SLC9A9: variants seen among roughly 807,000 people sequenced by gnomAD.
SLC9A9 encodes the protein sodium/hydrogen exchanger 9.
A neutral mutation model predicts 77.8 loss-of-function variants in SLC9A9; 62 were observed. The observed-to-expected ratio is 0.80, with a 90% CI of 0.65 to 0.98. The LOEUF (loss-of-function observed/expected upper bound fraction) is 0.98, where lower values mean the gene tolerates loss of function less well. Ranked by LOEUF, SLC9A9 falls within the 50% of genes least tolerant of loss-of-function variation. SLC9A9 has a pLI of 0.00. For synonymous variants in SLC9A9, 320 were observed against 283.5 expected (o/e 1.13, Z -1.29); for missense variants, 775 against 774.9 (o/e 1.00, Z 0.00).
At chr3:143,660,970 C>T (rs943084789) in intron 5 of SLC9A9, among the ~76,000 whole-genome samples, 13 of 152,212 alleles carry the variant, frequency 8.5e-5, no homozygotes, top group Non-Finnish European at 1.8e-4. Flanking sequence ...CCTCTTGGTG[C>T]CATTGTCACA....
chr3:143,368,208 T>C (rs191839810), intron 13 of SLC9A9, among the ~76,000 whole-genome samples: 1 of 152,262 alleles, frequency 6.6e-6, no homozygotes. Context: ...AGTGGATAGT[T>C]TTCTTTTAGG....
chr3:143,416,263 T>C (rs2034189022), intron 12 of SLC9A9, among the ~76,000 whole-genome samples: 1 of 152,164 alleles, frequency 6.6e-6, no homozygotes, highest in Non-Finnish European at 1.5e-5. Context: ...ACAAACTTGA[T>C]TGATAAAGCA....
intron 8 of SLC9A9, among the ~76,000 whole-genome samples, chr3:143,560,589 C>G (rs1007377239): frequency 7.2e-5 from 11 of 151,798 alleles, no homozygotes; most frequent in Admixed American, 6.6e-4. Flanking sequence ...TCAAGAAAAT[C>G]TGAGAGGTTT....
intron 4 of SLC9A9, among the ~76,000 whole-genome samples, chr3:143,749,659 T>G (rs2006649281): frequency 6.6e-6 from 1 of 152,234 alleles, no homozygotes; most frequent in Admixed American, 6.5e-5. Context: ...GGATAAAAGA[T>G]TTCATCTTTA....
chr3:143,589,085 G>A (rs1036341468), intron 6 of SLC9A9, among the ~76,000 whole-genome samples: 3 of 152,218 alleles, frequency 2.0e-5, no homozygotes, highest in Non-Finnish European at 2.9e-5. Context: ...TAATCCCCAC[G>A]GTTGAAAATA....
At chr3:143,719,311 G>A (rs1042679218) in intron 4 of SLC9A9, among the ~76,000 whole-genome samples, 5 of 152,184 alleles carry the variant, frequency 3.3e-5, no homozygotes, top group Non-Finnish European at 2.9e-5. Context: ...AGTGGCCCAG[G>A]GCACCAAATG....
chr3:143,497,282 C>G (rs2035851898), intron 9 of SLC9A9, among the ~76,000 whole-genome samples: 1 of 152,190 alleles, frequency 6.6e-6, no homozygotes, highest in African/African-American at 2.4e-5. Flanking sequence ...TTCAGCCTCT[C>G]TTTAATGGCC....
intron 12 of SLC9A9, among the ~76,000 whole-genome samples, chr3:143,385,223 C>T (rs2108500822): frequency 6.6e-6 from 1 of 151,886 alleles, no homozygotes; most frequent in East Asian, 1.9e-4. Flanking sequence ...GACATATTGT[C>T]CCTATGACCC....
At position 143,367,810 on chromosome 3, in the gene SLC9A9, T is replaced by C. The variant is rs2032951739; in HGVS notation, c.1525-4247A>G. ...ATCTGGAACTTGATGGTATTTTTCT[T>C]ATCATTAGCAATATTTCTTCTCTTT... On this transcript the variant is annotated intron_variant, in intron 13 of 15. Transcript: ENST00000316549. Among the ~76,000 whole-genome samples the C allele has an allele frequency of 5.3e-5, 8 of 152,324 alleles. No homozygotes were observed. In the South Asian group the frequency reaches 1.7e-3, roughly 32 times the overall value.
At chr3:143,294,437 G>A (rs1348628484) in intron 14 of SLC9A9, among the ~76,000 whole-genome samples, 2 of 152,160 alleles carry the variant, frequency 1.3e-5, no homozygotes, top group African/African-American at 2.4e-5. Context: ...CACTCAATAC[G>A]TATGCAACAA....
chr3:143,435,696 G>C (rs981246081), intron 12 of SLC9A9, among the ~76,000 whole-genome samples: 2 of 152,154 alleles, frequency 1.3e-5, no homozygotes, highest in African/African-American at 4.8e-5. Context: ...TGGAATGAGA[G>C]GAATGTATGC....
intron 6 of SLC9A9, among the ~76,000 whole-genome samples, chr3:143,637,547 A>G (rs1181418383): frequency 6.6e-6 from 1 of 152,206 alleles, no homozygotes; most frequent in Non-Finnish European, 1.5e-5. Flanking sequence ...TAGATATAAT[A>G]GCCATTTATA....
chr3:143,600,291 G>C (rs1027298904), intron 6 of SLC9A9, among the ~76,000 whole-genome samples: 2 of 151,998 alleles, frequency 1.3e-5, no homozygotes, highest in Admixed American at 1.3e-4. Flanking sequence ...TTGGTTTTCC[G>C]TTCCTGTGTT....
rs540640118 is a variant in SLC9A9 at position 143,848,315 on chromosome 3, C to T, written c.8G>A (p.Arg3Lys). ME[R>K]QSRVMSEKDE... ...CTTTTCTGACATAACCCTTGACTGT[C>T]TCTCCATTCCCCAGTCTTCTTGGGA... is the stretch of plus-strand genomic sequence containing the variant. The change falls in exon 1 of 16, where the codon AGA (arginine) becomes AAA (lysine). Residue 3 changes from arginine to lysine, a missense_variant. By Grantham distance (26) the Arg-to-Lys change is conservative. Transcript: ENST00000316549. 1.9e-6 allele frequency: 3 copies of T among 1,613,972 alleles called. No homozygotes were observed. The highest frequency in any genetic ancestry group is 2.5e-6 in the Non-Finnish European group (3 of 1,179,858).
intron 6 of SLC9A9, among the ~76,000 whole-genome samples, chr3:143,633,358 A>G (rs1015007221): frequency 6.6e-6 from 1 of 152,200 alleles, no homozygotes; most frequent in Non-Finnish European, 1.5e-5. Flanking sequence ...TTTTACTTAC[A>G]TTTATATGCA....
chr3:143,342,390 G>T (rs970853877), intron 14 of SLC9A9: 1 of 152,160 alleles, frequency 6.6e-6, no homozygotes, highest in African/African-American at 2.4e-5. Flanking sequence ...TTGCCATATT[G>T]GCCAGGCTGA....
At chr3:143,345,343 AG>A (rs2032231100) in intron 14 of SLC9A9, among the ~76,000 whole-genome samples, 1 of 152,180 alleles carries the variant, frequency 6.6e-6, no homozygotes, top group South Asian at 2.1e-4. Flanking sequence ...TGGCCAGAAA[AG>A]TAGGGGGAAA....
chr3:143,652,607 C>A (rs1031108653), intron 5 of SLC9A9, among the ~76,000 whole-genome samples: 1 of 152,044 alleles, frequency 6.6e-6, no homozygotes. Flanking sequence ...TGCTTACCTT[C>A]TAGCCTCATC....
chr3:143,583,017 AT>A (rs2037482163), intron 6 of SLC9A9, among the ~76,000 whole-genome samples: 1 of 152,038 alleles, frequency 6.6e-6, no homozygotes, highest in East Asian at 1.9e-4. Context: ...GCTGGGTGTG[AT>A]GGTACTTGCC....
Sources: gnomAD v4.1 joint callset for allele counts (sites outside exome capture counted in the v4.1 genomes callset) on GRCh38, gnomAD v4.1.1 for gene constraint, MANE v1.5 for transcripts, NCBI Gene and HGNC (gene_info 2026-07-23, HGNC 2026-07-21) for gene names.